SFR1: variants seen among roughly 807,000 people sequenced by gnomAD.
SFR1 encodes the protein SWI5 dependent homologous recombination repair protein 1.
A neutral mutation model predicts 26.2 loss-of-function variants in SFR1; 24 were observed. That is an observed-to-expected ratio of 0.92 (90% CI 0.66 to 1.29). The LOEUF is 1.29. SFR1 is among the 50% of genes most tolerant of loss of function. SFR1 has a pLI of 0.00. For synonymous variants in SFR1, 77 were observed against 96.6 expected (o/e 0.80, Z 1.19); for missense variants, 276 against 270.2 (o/e 1.02, Z -0.15).
At chr10:104,121,606 T>C (rs2086961531), upstream of SFR1, among the ~76,000 whole-genome samples, 1 of 152,190 alleles carries the variant, frequency 6.6e-6, no homozygotes, top group Non-Finnish European at 1.5e-5. Flanking sequence ...CAGCCAGCCG[T>C]GCGGCTTCTG....
In SFR1 at chr10:104,123,346, T is replaced by C. The variant is rs144214028; in HGVS notation, c.135+260T>C. 242 of 428,102 alleles carry C rather than the reference T, an allele frequency of 5.7e-4. 1 individual carries two copies. The highest frequency in any genetic ancestry group is 4.6e-3 in the African/African-American group (228 of 49,838). The allele number at this position is 428,102 out of a possible 1,614,324, so 26.5% of individuals were successfully genotyped here. A position where few individuals can be genotyped will look rare whatever the true frequency, so the allele number is the denominator to read the frequency against. On this transcript the variant is annotated intron_variant, in intron 2 of 3. Coordinates refer to ENST00000369727, the MANE Select transcript of SFR1 (RefSeq NM_001002759.2). ...TACAATACTCCAGATGGAGAAAGTT[T>C]GCATCTGTGCAATATTATTATGAAG... is the stretch of plus-strand genomic sequence containing the variant.
chr10:104,123,721 G>A lies in SFR1; in HGVS notation c.143G>A (p.Ser48Asn). 1 of 1,593,196 alleles carries A rather than the reference G, an allele frequency of 6.3e-7. No individual in the cohort carries two copies. The change falls in exon 3 of 4, where the codon AGT becomes AAT. Residue 48 changes from serine to asparagine, a missense_variant. Coordinates refer to ENST00000369727, the MANE Select transcript of SFR1 (RefSeq NM_001002759.2). ...YTNSSRKQPM[S>N]ATLRERLRKT... ...GTTTTGTGCTCTTTATAGCCTATGA[G>A]TGCAACACTTAGAGAAAGATTAAGG...
upstream of SFR1, among the ~76,000 whole-genome samples, chr10:104,121,502 G>A (rs1333251799): frequency 1.3e-5 from 2 of 152,154 alleles, no homozygotes; most frequent in South Asian, 4.1e-4. Flanking sequence ...TGTGGTCTCT[G>A]GAACCACCAC....
In SFR1 at chr10:104,124,039, C is replaced by G. The variant is rs1211395728; in HGVS notation, c.461C>G (p.Ala154Gly). The change falls in exon 3 of 4, where the codon GCT becomes GGT. Residue 154 changes from alanine to glycine, a missense_variant. Physicochemically the swap from Ala to Gly is moderately conservative, Grantham distance 60 (BLOSUM62 0). Coordinates refer to ENST00000369727, the MANE Select transcript of SFR1 (RefSeq NM_001002759.2). Reference sequence around the variant, plus strand: ...AAGCTTCCTAAACAAAGATTAAACGCTGAAAAAGCCAAATTGGTGAAGCAG... The same window carrying G: ...AAGCTTCCTAAACAAAGATTAAACGGTGAAAAAGCCAAATTGGTGAAGCAG... ...SEKLPKQRLN[A>G]EKAKLVKQVQ... is the part of the protein sequence containing the mutation. The G allele has an allele frequency of 6.2e-7, 1 of 1,613,800 alleles. No homozygotes were observed. Among genetic ancestry groups the G allele is most frequent in the African/African-American group, 1.3e-5 (1 of 74,898 alleles).
At chr10:104,121,712 G>A (rs955224781), upstream of SFR1, among the ~76,000 whole-genome samples, 2 of 152,212 alleles carry the variant, frequency 1.3e-5, no homozygotes, top group East Asian at 1.9e-4. Context: ...GCGGGGGTGG[G>A]GAGAGGCACT....
In SFR1 at chr10:104,123,076, C is replaced by A. The variant is rs747049243; in HGVS notation, c.125C>A (p.Ser42Tyr). The A allele has an allele frequency of 6.4e-7, 1 of 1,563,812 alleles. No homozygotes were observed. Among genetic ancestry groups the A allele is most frequent in the South Asian group, 1.2e-5 (1 of 83,334 alleles). The change falls in exon 2 of 4, where the codon TCC becomes TAC. Residue 42 changes from serine to tyrosine, a missense_variant. Physicochemically the swap from Ser to Tyr is moderately radical, Grantham distance 144 (BLOSUM62 -2). Coordinates refer to ENST00000369727, the MANE Select transcript of SFR1 (RefSeq NM_001002759.2). ...CCATCATCTCCCTATACAAATAGTT[C>A]CCGAAAACAAGTATGAAAATCTTTG... ...ANPSSPYTNS[S>Y]RKQPMSATLR...
At chr10:104,121,575 A>G (rs968168459), upstream of SFR1, among the ~76,000 whole-genome samples, 1 of 152,198 alleles carries the variant, frequency 6.6e-6, no homozygotes, top group African/African-American at 2.4e-5. Flanking sequence ...TGGGGAGTCC[A>G]CAAGCTGTAA....
rs557159343 is a variant in SFR1, at chr10:104,122,431, C to G, written c.13+235C>G. The stretch of plus-strand genomic sequence containing the variant: ...TCGGAGGAAGCAATTTCAGTCCACT[C>G]TCCTTTTCAGTCCCTGTTGGCCGCT... On this transcript the variant is annotated intron_variant, in intron 1 of 3. Transcript: ENST00000369727. The G allele has an allele frequency of 1.3e-5, 13 of 985,430 alleles. No homozygotes were observed. In the East Asian group the frequency reaches 6.8e-4, roughly 52 times the overall value. 61.0% of individuals were successfully genotyped at this position (985,430 alleles called of 1,614,324 possible).
In SFR1 at chr10:104,125,521, G is replaced by C; in HGVS notation, c.555G>C (p.Leu185=). The C allele has an allele frequency of 1.2e-6, 2 of 1,609,146 alleles. No homozygotes were observed. The highest frequency in any genetic ancestry group is 2.2e-5 in the South Asian group (2 of 90,248). Residue 185 remains leucine, a synonymous_variant, in exon 4 of 4, where the codon CTG becomes CTC. Coordinates refer to ENST00000369727, the MANE Select transcript of SFR1 (RefSeq NM_001002759.2). ...TTTTTTTTCTGTTTCAGAATGATCT[G>C]TCTCAGTTACAGTTGTTAATAAAGA... ...LVKMYRSKND[L]SQLQLLIKKW...
In SFR1 at chr10:104,125,781, TTGA is replaced by T; in HGVS notation, c.*78_*80del. 2 of 958,160 alleles carry T rather than the reference TTGA, an allele frequency of 2.1e-6. No homozygotes were observed. Among genetic ancestry groups the T allele is most frequent in the East Asian group, 2.6e-5 (1 of 38,854 alleles). The allele number at this position is 958,160 out of a possible 1,614,324, so 59.4% of individuals were successfully genotyped here. The stretch of plus-strand genomic sequence containing the variant: ...ATACTTAGGCACTTTTTTTTTTTTT[TTGA>T]GACTGAGTTTCGCTCTTGTCATCCT... On this transcript the variant is annotated 3_prime_UTR_variant, in exon 4 of 4. Transcript: ENST00000369727.
At chr10:104,124,145 A>G (rs1441723226) in intron 3 of SFR1, 21 bp downstream of exon 3, 6 of 1,467,544 alleles carry the variant, frequency 4.1e-6, no homozygotes, top group African/African-American at 1.4e-5. Context: ...TTTCAGGACC[A>G]TTGCATAATT....
At chr10:104,122,755 GTTGA>G in intron 1 of SFR1, 1 of 1,475,744 alleles carries the variant, frequency 6.8e-7, no homozygotes, top group South Asian at 1.3e-5. Flanking sequence ...ATACTAGCTG[GTTGA>G]TGTATCATGA....
chr10:104,122,754 G>T (rs1395506116), intron 1 of SFR1: 2 of 1,473,156 alleles, frequency 1.4e-6, no homozygotes, highest in Non-Finnish European at 1.8e-6. Flanking sequence ...GATACTAGCT[G>T]GTTGATGTAT....
At position 104,125,630 on chromosome 10, in the gene SFR1, T is replaced by C. The variant is rs137932118; in HGVS notation, c.664T>C (p.Leu222=). ...GAACAAGAAACTAAGCCTTACTCAA[T>C]TGATAGACCACTATGGGTTAGATGA... is the stretch of plus-strand genomic sequence containing the variant. ...EENKKLSLTQ[L]IDHYGLDDKL... Residue 222 remains leucine, a synonymous_variant, in exon 4 of 4, where the codon TTG becomes CTG. Transcript: ENST00000369727. 1.3e-4 allele frequency: 209 copies of C among 1,613,168 alleles called. No homozygotes were observed. The African/African-American group carries it at 2.3e-3, about 18-fold the overall frequency.
In SFR1 at chr10:104,123,755, A is replaced by T. The variant is rs1434387903; in HGVS notation, c.177A>T (p.Arg59Ser). ...ATLRERLRKTRFSFNSSYNVV... is the reference protein window; with the variant it reads ...ATLRERLRKTSFSFNSSYNVV... ...TTAGAGAAAGATTAAGGAAAACAAG[A>T]TTTTCATTTAATTCCTCTTACAATG... The change falls in exon 3 of 4, where the codon AGA becomes AGT. Residue 59 changes from arginine to serine, a missense_variant. Arg to Ser is a moderately radical substitution (Grantham distance 110, BLOSUM62 -1). Coordinates refer to ENST00000369727, the MANE Select transcript of SFR1 (RefSeq NM_001002759.2). 1 of 1,605,386 alleles carries T rather than the reference A, an allele frequency of 6.2e-7. No individual in the cohort carries two copies. Among genetic ancestry groups the T allele is most frequent in the East Asian group, 2.2e-5 (1 of 44,772 alleles).
chr10:104,125,890 C>T lies in SFR1; in HGVS notation c.*186C>T, dbSNP rs559170563. 2.8e-3 allele frequency: 1,154 copies of T among 417,418 alleles called. 16 individuals are homozygous for T. Among genetic ancestry groups the T allele is most frequent in the South Asian group, 0.014 (490 of 35,030 alleles). 25.9% of individuals were successfully genotyped at this position (417,418 alleles called of 1,614,324 possible). On this transcript the variant is annotated 3_prime_UTR_variant, in exon 4 of 4. Coordinates refer to ENST00000369727, the MANE Select transcript of SFR1 (RefSeq NM_001002759.2). ...CAGCAATTCTCCTGCCTCAGCCTCCCGAGTAGCTGAGATTACAGGCGCCCG... is the reference window on the plus strand; with the variant it reads ...CAGCAATTCTCCTGCCTCAGCCTCCTGAGTAGCTGAGATTACAGGCGCCCG...
intron 1 of SFR1, chr10:104,122,680 C>T (rs1589592058): frequency 2.2e-6 from 3 of 1,355,114 alleles, no homozygotes; most frequent in Non-Finnish European, 2.8e-6. Flanking sequence ...TCCCTACTTC[C>T]AAGGCAGAAT....
intron 2 of SFR1, 175 bp downstream of exon 2, chr10:104,123,261 G>GC (rs2086987594): frequency 1.9e-6 from 1 of 520,790 alleles, no homozygotes; most frequent in Non-Finnish European, 3.3e-6. Context: ...ACACCCACCA[G>GC]CCCCCTTCCA....
chr10:104,121,594 T>C (rs2086961386), upstream of SFR1, among the ~76,000 whole-genome samples: 1 of 152,172 alleles, frequency 6.6e-6, no homozygotes, highest in South Asian at 2.1e-4. Context: ...AAATCTAACA[T>C]GCAGCCAGCC....
Sources: allele counts gnomAD v4.1 joint callset (sites outside exome capture counted in the v4.1 genomes callset), GRCh38; gene constraint gnomAD v4.1.1; transcripts MANE v1.5; gene names NCBI Gene and HGNC (gene_info 2026-07-23, HGNC 2026-07-21).